AGPAT3: variants seen among roughly 807,000 people sequenced by gnomAD.
The protein encoded by AGPAT3 is 1-acyl-sn-glycerol-3-phosphate acyltransferase gamma.
A neutral mutation model predicts 47.3 loss-of-function variants in AGPAT3; 5 were observed. The ratio of observed to expected loss-of-function variants is 0.11; its 90% CI spans 0.06 to 0.22. AGPAT3 has a LOEUF of 0.22. Among genes scored for constraint, AGPAT3 ranks in the 10% least tolerant of loss-of-function variants. The pLI is 1.00. For synonymous variants in AGPAT3, 212 were observed against 208.3 expected (o/e 1.02, Z -0.15); for missense variants, 315 against 493.0 (o/e 0.64, Z 3.42).
In AGPAT3 at chr21:43,933,015, C is replaced by T. The variant is rs1447537000; in HGVS notation, c.-48-26619C>T. On this transcript the variant is annotated intron_variant, in intron 2 of 9. Transcript: ENST00000291572. The surrounding 1 kb of genome is among the most constrained non-coding windows in gnomAD (Gnocchi z 6.0). ...TTTGTGTAGTGGCCACACTGATTGA[C>T]GCTCTCTCTCCCTCACAGCGTGCCA... Among the ~76,000 whole-genome samples the T allele has an allele frequency of 2.0e-5, 3 of 152,208 alleles. No individual in the cohort carries two copies. The highest frequency in any genetic ancestry group is 3.8e-4 in the East Asian group (2 of 5,200).
chr21:43,971,260 C>G, intron 6 of AGPAT3, 128 bp from the exon 7 acceptor site: 1 of 745,676 alleles, frequency 1.3e-6, no homozygotes, highest in Non-Finnish European at 2.3e-6. Flanking sequence ...CTCCCCAGGA[C>G]GGGGCCAGAC....
At chr21:43,978,503 T>C (rs1219559884) in intron 8 of AGPAT3, among the ~76,000 whole-genome samples, 1 of 152,100 alleles carries the variant, frequency 6.6e-6, no homozygotes, top group East Asian at 1.9e-4. Flanking sequence ...AGAAATGAGG[T>C]CCCACTATGT....
chr21:43,944,675 TG>T (rs1385540629), intron 2 of AGPAT3, among the ~76,000 whole-genome samples: 1 of 152,176 alleles, frequency 6.6e-6, no homozygotes, highest in Non-Finnish European at 1.5e-5. Flanking sequence ...TCGGCCTCTG[TG>T]CAGTGGGATT....
intron 2 of AGPAT3, among the ~76,000 whole-genome samples, chr21:43,917,583 A>G: frequency 6.6e-6 from 1 of 152,104 alleles, no homozygotes; most frequent in East Asian, 1.9e-4. Context: ...CTTTATTCCA[A>G]AGCTAGCTTA....
chr21:43,969,650 G>A (rs1055696461), intron 5 of AGPAT3, among the ~76,000 whole-genome samples: 6 of 152,136 alleles, frequency 3.9e-5, no homozygotes, highest in African/African-American at 1.4e-4. Context: ...TGTGCTGTTA[G>A]CATTTCTGTT....
At chr21:43,911,985 G>A (rs993496438) in intron 2 of AGPAT3, among the ~76,000 whole-genome samples, 4 of 152,254 alleles carry the variant, frequency 2.6e-5, no homozygotes, top group African/African-American at 7.2e-5. Flanking sequence ...GGGCCCCAGC[G>A]CATCTTGCTC....
intron 1 of AGPAT3, among the ~76,000 whole-genome samples, chr21:43,894,434 C>T (rs2086170614): frequency 6.7e-6 from 1 of 149,776 alleles, no homozygotes; most frequent in African/African-American, 2.5e-5. Flanking sequence ...AGATATAGTT[C>T]ACCCACTATA....
chr21:43,916,809 C>T (rs988848487), intron 2 of AGPAT3, among the ~76,000 whole-genome samples: 12 of 152,156 alleles, frequency 7.9e-5, no homozygotes, highest in Non-Finnish European at 1.3e-4. Flanking sequence ...ACAGCACAGA[C>T]GCCTGCATCT....
Position 43,971,409 on chromosome 21 carries a change from C to A in AGPAT3, c.686C>A (p.Thr229Asn). 1.9e-6 allele frequency: 3 copies of A among 1,614,246 alleles called. 1 individual carries two copies. The highest frequency in any genetic ancestry group is 2.5e-6 in the Non-Finnish European group (3 of 1,180,032). The change falls in exon 7 of 10, where the codon ACC becomes AAC. Residue 229 changes from threonine to asparagine, a missense_variant. Thr to Asn is a moderately conservative substitution (Grantham distance 65). Transcript: ENST00000291572. ...RGTVAAVYDVTLNFRGNKNPS... is the reference protein window; with the variant it reads ...RGTVAAVYDVNLNFRGNKNPS... ...ACAGTCGCAGCTGTCTATGATGTAA[C>A]CCTGAACTTCAGAGGAAACAAGAAC...
chr21:43,949,555 G>A (rs570472175), intron 2 of AGPAT3, among the ~76,000 whole-genome samples: 1 of 152,322 alleles, frequency 6.6e-6, no homozygotes, highest in South Asian at 2.1e-4. Flanking sequence ...CTATTGATAG[G>A]GTGAGCCCTG....
At chr21:43,886,842 G>A (rs769907438) in intron 1 of AGPAT3, among the ~76,000 whole-genome samples, 5 of 152,068 alleles carry the variant, frequency 3.3e-5, no homozygotes, top group Non-Finnish European at 7.4e-5. Context: ...TTATCCATCC[G>A]TCTCTTGATG....
intron 2 of AGPAT3, among the ~76,000 whole-genome samples, chr21:43,958,545 T>G (rs2088604236): frequency 1.3e-5 from 2 of 151,116 alleles, no homozygotes; most frequent in South Asian, 4.2e-4. Flanking sequence ...TAGGTGTGGT[T>G]TGTGGTGTGT....
intron 1 of AGPAT3, among the ~76,000 whole-genome samples, chr21:43,894,894 C>T (rs575100698): frequency 6.6e-6 from 1 of 152,234 alleles, no homozygotes; most frequent in African/African-American, 2.4e-5. Flanking sequence ...TGACCTGATT[C>T]GCACCTCCTC....
In AGPAT3 at chr21:43,880,862, T is replaced by C. The variant is rs1033669433; in HGVS notation, c.-112+15517T>C. Among the ~76,000 whole-genome samples, 1 of 152,172 alleles carries C rather than the reference T, an allele frequency of 6.6e-6. No homozygotes were observed. The highest frequency in any genetic ancestry group is 2.1e-4 in the South Asian group (1 of 4,826). ...CGACTGTGTTTGACATGGTGGTGAA[T>C]TGGACACGTGACAGGTGGCAATATG... On this transcript the variant is annotated intron_variant, in intron 1 of 9. Transcript: ENST00000291572. The surrounding 1 kb of genome is among the most constrained non-coding windows in gnomAD (Gnocchi z 4.5).
chr21:43,913,414 G>A (rs943496425), intron 2 of AGPAT3, among the ~76,000 whole-genome samples: 1 of 151,934 alleles, frequency 6.6e-6, no homozygotes, highest in Non-Finnish European at 1.5e-5. Context: ...GTGAAACCCC[G>A]TCTCTATAAA....
rs539730808 is a variant in AGPAT3 at position 43,914,909 on chromosome 21, G to A, written c.-49+10890G>A. On this transcript the variant is annotated intron_variant, in intron 2 of 9. Coordinates refer to ENST00000291572, the MANE Select transcript of AGPAT3 (RefSeq NM_020132.5). ...TATAAAATTCTATAAAGATAGTTCTGTTTAAACTATCTTTTCCATGGCCAC... is the reference window on the plus strand; with the variant it reads ...TATAAAATTCTATAAAGATAGTTCTATTTAAACTATCTTTTCCATGGCCAC... Among the ~76,000 whole-genome samples, 3 of 152,092 alleles carry A rather than the reference G, an allele frequency of 2.0e-5. 1 individual carries two copies. The South Asian group carries it at 6.2e-4, about 32-fold the overall frequency.
At chr21:43,935,904 G>T (rs879709926) in intron 2 of AGPAT3, among the ~76,000 whole-genome samples, 1 of 152,194 alleles carries the variant, frequency 6.6e-6, no homozygotes. Context: ...GGCTCTCCAG[G>T]TGCGCTAAGC....
At chr21:43,866,523 G>A (rs1182577686) in intron 1 of AGPAT3, 1 of 152,138 alleles carries the variant, frequency 6.6e-6, no homozygotes, top group Admixed American at 6.5e-5. Context: ...AGCTTCAGAG[G>A]GGTCTCCCGA....
chr21:43,940,319 A>G (rs1377949401), intron 2 of AGPAT3, among the ~76,000 whole-genome samples: 1 of 152,130 alleles, frequency 6.6e-6, no homozygotes, highest in African/African-American at 2.4e-5. Flanking sequence ...GCTTTGGCCT[A>G]TTACTTCTAC....
Sources: allele counts gnomAD v4.1 joint callset (sites outside exome capture counted in the v4.1 genomes callset), GRCh38; gene constraint gnomAD v4.1.1; non-coding constraint Gnocchi (gnomAD v3.1); transcripts MANE v1.5; gene names NCBI Gene and HGNC (gene_info 2026-07-23, HGNC 2026-07-21).